RNF128: variants seen among roughly 807,000 people sequenced by gnomAD.
The protein encoded by RNF128 is E3 ubiquitin-protein ligase RNF128.
In RNF128, 13 loss-of-function variants were observed where a neutral mutation model predicts 26.2. The observed-to-expected ratio is 0.50, with a 90% CI of 0.32 to 0.79. The LOEUF (loss-of-function observed/expected upper bound fraction) is 0.79. RNF128 is among the 30% of genes least tolerant of loss of function. The pLI is 0.03. For synonymous variants in RNF128, 149 were observed against 142.5 expected (o/e 1.05, Z -0.32); for missense variants, 315 against 349.7 (o/e 0.90, Z 0.79).
In RNF128 at chrX:106,727,108, G is replaced by C; in HGVS notation, c.195G>C (p.Leu65=). The change falls in exon 1 of 7, where the codon CTG becomes CTC. Residue 65 remains leucine (L), a synonymous_variant. Transcript: ENST00000255499. ...GAGTGAACCGTACGGTGTGGGAGCTGAGCGAGGAGGGCGTGTACGGCCAGG... is the reference window on the plus strand; with the variant it reads ...GAGTGAACCGTACGGTGTGGGAGCTCAGCGAGGAGGGCGTGTACGGCCAGG... ...HTGVNRTVWE[L]SEEGVYGQDS... is the part of the protein sequence containing the mutation. The C allele has an allele frequency of 8.3e-7, 1 of 1,206,399 alleles. No individual in the cohort carries two copies. Among genetic ancestry groups the C allele is most frequent in the Non-Finnish European group, 1.1e-6 (1 of 893,275 alleles).
At chrX:106,789,076 A>G (rs1430651285) in intron 4 of RNF128, among the ~76,000 whole-genome samples, 1 of 85,901 alleles carries the variant, frequency 1.2e-5, no homozygotes, top group Non-Finnish European at 2.2e-5. Flanking sequence ...TAGTGTATAT[A>G]TACTATATAG....
intron 1 of RNF128, among the ~76,000 whole-genome samples, chrX:106,730,849 AATG>A (rs757954881): frequency 8.9e-5 from 10 of 111,851 alleles, no homozygotes; most frequent in Non-Finnish European, 1.9e-4. Flanking sequence ...CAGTTTAATT[AATG>A]ATTTGGGGGT....
intron 1 of RNF128, among the ~76,000 whole-genome samples, chrX:106,770,632 T>C (rs754759836): frequency 2.6e-4 from 29 of 111,703 alleles, no homozygotes; most frequent in Non-Finnish European, 3.0e-4. Context: ...CACTGTTTAT[T>C]CTAGTTAGCC....
chrX:106,726,558 A>G (rs1218890722), upstream of RNF128: 1 of 641,471 alleles, frequency 1.6e-6, no homozygotes, highest in Non-Finnish European at 1.9e-6. Context: ...ACACAGCCTC[A>G]GATCCTATTC....
chrX:106,709,995 C>A (rs1390609160), intron 1 of RNF128, among the ~76,000 whole-genome samples: 1 of 111,889 alleles, frequency 8.9e-6, no homozygotes, highest in African/African-American at 3.2e-5. Context: ...TAATTTAAGA[C>A]TTTTACCTTC....
chrX:106,768,597 C>T (rs1242488045), intron 1 of RNF128, among the ~76,000 whole-genome samples: 1 of 111,008 alleles, frequency 9.0e-6, no homozygotes, highest in East Asian at 2.8e-4. Context: ...CCATTTGATT[C>T]TTCTCTCTTT....
chrX:106,773,070 C>T lies in RNF128; in HGVS notation c.642C>T (p.Ser214=). 8.3e-7 allele frequency: 1 copy of T among 1,210,619 alleles called. No homozygotes were observed. Among genetic ancestry groups the T allele is most frequent in the Non-Finnish European group, 1.1e-6 (1 of 895,014 alleles). Residue 214 remains serine (S), a synonymous_variant, in exon 2 of 7, where the codon TCC becomes TCT. Transcript: ENST00000255499. ...NHYSIFFVSV[S]FFIITAATVG... ...ATTCAATTTTTTTCGTTTCTGTGTCCTTTTTTATTATTACGGCGGCAACTG... is the reference window on the plus strand; with the variant it reads ...ATTCAATTTTTTTCGTTTCTGTGTCTTTTTTTATTATTACGGCGGCAACTG...
At chrX:106,721,149 T>C (rs182131784) in intron 1 of RNF128, among the ~76,000 whole-genome samples, 2 of 112,386 alleles carry the variant, frequency 1.8e-5, no homozygotes, top group Admixed American at 1.9e-4. Context: ...TTTTGTTGAC[T>C]GCTTCTTCTC....
exon 1 of RNF128, chrX:106,694,329 G>C: frequency 8.3e-7 from 1 of 1,209,416 alleles, no homozygotes; most frequent in Non-Finnish European, 1.1e-6. Flanking sequence ...TTCAAACAGC[G>C]GGCAGAAGAA....
In RNF128 at chrX:106,726,973, G is replaced by A. The variant is rs759781388; in HGVS notation, c.60G>A (p.Leu20=). 8.4e-6 allele frequency: 10 copies of A among 1,195,405 alleles called. No individual in the cohort carries two copies. Among genetic ancestry groups the A allele is most frequent in the Non-Finnish European group, 1.0e-5 (9 of 888,182 alleles). The part of the protein sequence containing the change: ...SCRGGCGFSR[L]LAWCFLLALS... ...GCGGTGGCTGCGGCTTTTCCAGATT[G>A]CTGGCATGGTGCTTCCTGCTGGCCC... The change falls in exon 1 of 7, where the codon TTG becomes TTA. Residue 20 remains leucine (L), a synonymous_variant. Coordinates refer to ENST00000255499, the MANE Select transcript of RNF128 (RefSeq NM_194463.2).
intron 1 of RNF128, among the ~76,000 whole-genome samples, chrX:106,708,001 T>C (rs1929071400): frequency 9.0e-6 from 1 of 111,720 alleles, no homozygotes; most frequent in East Asian, 2.8e-4. Context: ...CCCTCATTGA[T>C]GAATGAATAA....
chrX:106,760,515 G>T lies in RNF128; in HGVS notation c.485-12398G>T, dbSNP rs1930101630. 2.7e-5 allele frequency among the ~76,000 whole-genome samples: 3 copies of T among 111,837 alleles called. No individual in the cohort carries two copies. The South Asian group carries it at 1.1e-3, about 41-fold the overall frequency. ...TACTGGCAAGGATGTGGAGAAAAGG[G>T]AACTCTTATATACTTACTGTTGGTG... is the stretch of plus-strand genomic sequence containing the variant. On this transcript the variant is annotated intron_variant, in intron 1 of 6. Transcript: ENST00000255499.
chrX:106,785,441 T>A (rs1209995175), intron 3 of RNF128, among the ~76,000 whole-genome samples: 1 of 111,438 alleles, frequency 9.0e-6, no homozygotes, highest in Non-Finnish European at 1.9e-5. Context: ...ATAATTGCAG[T>A]GTCCTTATAA....
Position 106,796,373 on chromosome X carries a change from G to A in RNF128, c.*660G>A, listed in dbSNP as rs1274859286. 1 of 111,733 alleles carries A rather than the reference G, an allele frequency of 8.9e-6. No homozygotes were observed. 9.2% of individuals were successfully genotyped at this position (111,733 alleles called of 1,213,427 possible). A position where few individuals can be genotyped will look rare whatever the true frequency, so the allele number is the denominator to read the frequency against. ...GTGACATCAACTTGACACAAGATTA[G>A]ACAAAAAATTCCTTACAAAAATACT... On this transcript the variant is annotated 3_prime_UTR_variant, in exon 7 of 7. Transcript: ENST00000255499.
intron 1 of RNF128, among the ~76,000 whole-genome samples, chrX:106,737,662 C>A (rs1172373884): frequency 9.0e-6 from 1 of 111,502 alleles, no homozygotes; most frequent in Admixed American, 9.6e-5. Flanking sequence ...ATATGGAGGG[C>A]TGACTATACA....
At chrX:106,704,756 A>G (rs1197590234) in intron 1 of RNF128, among the ~76,000 whole-genome samples, 1 of 111,902 alleles carries the variant, frequency 8.9e-6, no homozygotes, top group Non-Finnish European at 1.9e-5. Flanking sequence ...AGGAGCACAG[A>G]AGTGAATAGT....
chrX:106,730,819 A>C (rs182711286), intron 1 of RNF128, among the ~76,000 whole-genome samples: 288 of 111,768 alleles, frequency 2.6e-3, no homozygotes, highest in African/African-American at 9.1e-3. Context: ...GCTGTAAAAA[A>C]AAAAAGTGAA....
chrX:106,740,723 C>A (rs1228729664), intron 1 of RNF128, among the ~76,000 whole-genome samples: 2 of 111,083 alleles, frequency 1.8e-5, no homozygotes, highest in Non-Finnish European at 3.8e-5. Context: ...ACATGAGCAA[C>A]CACACCTGGC....
At position 106,727,011 on chromosome X, in the gene RNF128, C is replaced by T. The variant is rs1383619529; in HGVS notation, c.98C>T (p.Ala33Val). 8.3e-7 allele frequency: 1 copy of T among 1,205,597 alleles called. No homozygotes were observed. Among genetic ancestry groups the T allele is most frequent in the Admixed American group, 2.2e-5 (1 of 45,353 alleles). The change falls in exon 1 of 7, where the codon GCA becomes GTA. Residue 33 changes from alanine to valine, a missense_variant. Coordinates refer to ENST00000255499, the MANE Select transcript of RNF128 (RefSeq NM_194463.2). ...TTCCTGCTGGCCCTGAGTCCGCAGGCACCCGGTTCCCGGGGGGCTGAAGCA... is the reference window on the plus strand; with the variant it reads ...TTCCTGCTGGCCCTGAGTCCGCAGGTACCCGGTTCCCGGGGGGCTGAAGCA... ...WCFLLALSPQ[A>V]PGSRGAEAVW...
Sources: gnomAD v4.1 joint callset for allele counts (sites outside exome capture counted in the v4.1 genomes callset) on GRCh38, gnomAD v4.1.1 for gene constraint, MANE v1.5 for transcripts, NCBI Gene and HGNC (gene_info 2026-07-23, HGNC 2026-07-21) for gene names.